EPB41: variants seen among roughly 807,000 people sequenced by gnomAD.
EPB41 encodes the protein erythrocyte membrane protein band 4.1, also known as protein 4.1.
In EPB41, 65 loss-of-function variants were observed where a neutral mutation model predicts 108.0. The ratio of observed to expected loss-of-function variants is 0.60; its 90% CI spans 0.49 to 0.74. EPB41 has a LOEUF of 0.74. Ranked by LOEUF, EPB41 falls within the 30% of genes least tolerant of loss-of-function variation. The pLI is 0.00. For synonymous variants in EPB41, 336 were observed against 358.9 expected (o/e 0.94, Z 0.72); for missense variants, 875 against 1,037.0 (o/e 0.84, Z 2.15).
intron 8 of EPB41, 36 bp downstream of exon 8, chr1:29,030,523 G>A (rs747417847): frequency 6.9e-5 from 99 of 1,425,934 alleles, no homozygotes; most frequent in Non-Finnish European, 9.6e-5. Flanking sequence ...ATATGCATGT[G>A]GAAGATATTA....
At chr1:29,101,468 T>C (rs1665378302) in intron 17 of EPB41, among the ~76,000 whole-genome samples, 2 of 152,094 alleles carry the variant, frequency 1.3e-5, no homozygotes, top group African/African-American at 4.8e-5. Context: ...CTATTCTCTC[T>C]TTCGTGGTCT....
At chr1:29,005,027 T>G (rs2096374767) in intron 4 of EPB41, among the ~76,000 whole-genome samples, 1 of 152,170 alleles carries the variant, frequency 6.6e-6, no homozygotes, top group Non-Finnish European at 1.5e-5. Flanking sequence ...CCTAAGGTTG[T>G]AAATGCTGCC....
chr1:28,946,145 T>TA (rs148103888), intron 1 of EPB41, among the ~76,000 whole-genome samples: 19,995 of 148,720 alleles, frequency 0.13, 1,699 homozygotes, highest in African/African-American at 0.26. Context: ...TCCTTTTTAC[T>TA]AAAAAAAAAA....
chr1:28,988,448 G>A (rs750274886), intron 2 of EPB41, among the ~76,000 whole-genome samples: 12 of 150,416 alleles, frequency 8.0e-5, no homozygotes, highest in Non-Finnish European at 1.2e-4. Flanking sequence ...CAACCTCCCC[G>A]TCCTGGGTTC....
chr1:29,096,045 T>G, intron 16 of EPB41: 1 of 550,706 alleles, frequency 1.8e-6, no homozygotes, highest in Non-Finnish European at 2.3e-6. Context: ...TCTTAGTTTA[T>G]ATTAGTAGCA....
chr1:29,006,484 G>A (rs532580189), intron 4 of EPB41, among the ~76,000 whole-genome samples: 3 of 151,952 alleles, frequency 2.0e-5, no homozygotes, highest in East Asian at 1.9e-4. Context: ...TGATCCACCC[G>A]CCTGGGCCTG....
intron 17 of EPB41, among the ~76,000 whole-genome samples, chr1:29,108,661 A>C (rs1668077199): frequency 6.8e-6 from 1 of 146,544 alleles, no homozygotes; most frequent in Non-Finnish European, 1.5e-5. Context: ...AGGTTCAAGC[A>C]TTTCTTCTGC....
At chr1:29,077,076 G>T (rs1410397189) in intron 16 of EPB41, among the ~76,000 whole-genome samples, 1 of 152,104 alleles carries the variant, frequency 6.6e-6, no homozygotes, top group Non-Finnish European at 1.5e-5. Context: ...TCTTGTACTG[G>T]CACATAAATT....
Position 29,109,522 on chromosome 1 carries a change from A to C in EPB41, c.2415+85A>C, listed in dbSNP as rs932451051. 18 of 1,116,310 alleles carry C rather than the reference A, an allele frequency of 1.6e-5. 1 individual carries two copies. Among genetic ancestry groups the C allele is most frequent in the Non-Finnish European group, 2.3e-5 (17 of 735,084 alleles). The allele number at this position is 1,116,310 out of a possible 1,614,324, so 69.2% of individuals were successfully genotyped here. On this transcript the variant is annotated intron_variant, in intron 18 of 20. Coordinates refer to ENST00000343067, the MANE Select transcript of EPB41 (RefSeq NM_001376013.1). ...CTCTCTGCAAGAAGGACCCTAGTCC[A>C]TAAGCAAATATTTTCAGCTCCATCC...
intron 1 of EPB41, among the ~76,000 whole-genome samples, chr1:28,898,759 C>T (rs373089253): frequency 2.6e-4 from 39 of 152,356 alleles, no homozygotes; most frequent in African/African-American, 9.4e-4. Flanking sequence ...GGCCTTGGGC[C>T]CCAGGATTCT....
intron 8 of EPB41, 109 bp from the exon 9 acceptor site, chr1:29,032,984 G>A: frequency 1.9e-6 from 2 of 1,070,610 alleles, no homozygotes; most frequent in Non-Finnish European, 2.8e-6. Flanking sequence ...ATTTTTCATT[G>A]TATGTTTTGT....
intron 1 of EPB41, among the ~76,000 whole-genome samples, chr1:28,941,633 C>T (rs1301397303): frequency 1.3e-5 from 2 of 152,158 alleles, no homozygotes; most frequent in South Asian, 2.1e-4. Flanking sequence ...CAGTGGCCCA[C>T]GCCAGTAATC....
At chr1:28,921,961 T>TATATATATATATATATATATACAC (rs770764638) in intron 1 of EPB41, among the ~76,000 whole-genome samples, 22 of 109,910 alleles carry the variant, frequency 2.0e-4, no homozygotes, top group African/African-American at 7.4e-4. Context: ...TATATATATA[T>TATATATATATATATATATATACAC]ACACTTTTTT....
intron 16 of EPB41, among the ~76,000 whole-genome samples, chr1:29,083,615 T>C (rs1259465899): frequency 6.6e-6 from 1 of 152,216 alleles, no homozygotes; most frequent in Non-Finnish European, 1.5e-5. Flanking sequence ...CAAGTGCCCA[T>C]TTAAAAGCAT....
chr1:28,988,429 G>A (rs1234204166), intron 2 of EPB41, among the ~76,000 whole-genome samples: 6 of 151,008 alleles, frequency 4.0e-5, no homozygotes, highest in South Asian at 2.1e-4. Flanking sequence ...GTGTGATCTC[G>A]GCCCACTGCA....
chr1:28,966,114 C>T (rs1231900404), intron 1 of EPB41, among the ~76,000 whole-genome samples: 3 of 151,170 alleles, frequency 2.0e-5, no homozygotes, highest in African/African-American at 4.9e-5. Flanking sequence ...ACTTGGGAGC[C>T]GGAGGTTGCT....
rs137877017 is a variant in EPB41 at position 28,892,782 on chromosome 1, G to A, written c.-8+5572G>A. On this transcript the variant is annotated intron_variant, in intron 1 of 16. Transcript: ENST00000347529. ...GGTAGAGCCATAAATAGTGAAGTCA[G>A]GATTTTCCCAGGTTCTTTTTTTTTT... Among the ~76,000 whole-genome samples the A allele has an allele frequency of 3.9e-3, 577 of 149,248 alleles. 2 individuals are homozygous for A. Among genetic ancestry groups the A allele is most frequent in the African/African-American group, 0.011 (458 of 40,570 alleles).
chr1:29,056,492 G>A (rs1645473909), intron 12 of EPB41, among the ~76,000 whole-genome samples: 1 of 152,050 alleles, frequency 6.6e-6, no homozygotes, highest in Non-Finnish European at 1.5e-5. Flanking sequence ...AATGTTCTGT[G>A]TAGGGGCATA....
chr1:29,111,018 T>A (rs1668968356), intron 18 of EPB41, among the ~76,000 whole-genome samples: 1 of 151,926 alleles, frequency 6.6e-6, no homozygotes, highest in African/African-American at 2.4e-5. Flanking sequence ...AAAATAAAAA[T>A]TAGCCGAGCA....
Sources: gnomAD v4.1 joint callset for allele counts (sites outside exome capture counted in the v4.1 genomes callset) on GRCh38, gnomAD v4.1.1 for gene constraint, MANE v1.5 for transcripts, NCBI Gene and HGNC (gene_info 2026-07-23, HGNC 2026-07-21) for gene names.